NXPH1: variants seen among roughly 807,000 people sequenced by gnomAD.
NXPH1 encodes neurexophilin-1.
A neutral mutation model predicts 23.7 loss-of-function variants in NXPH1; 5 were observed. The observed-to-expected ratio is 0.21, with a 90% CI of 0.11 to 0.44. NXPH1 has a LOEUF of 0.44. Among genes scored for constraint, NXPH1 ranks in the 20% least tolerant of loss-of-function variants. The pLI is 0.99. For missense variants in NXPH1, 324 were observed against 321.6 expected (o/e 1.01, Z -0.06); for synonymous variants, 144 against 122.2 (o/e 1.18, Z -1.18).
intron 2 of NXPH1, among the ~76,000 whole-genome samples, chr7:8,486,744 G>A (rs1252868468): frequency 2.0e-5 from 3 of 152,050 alleles, no homozygotes; most frequent in African/African-American, 7.2e-5. Context: ...CATACATAAT[G>A]TTCTTTCTGA....
At chr7:8,553,006 A>C (rs972122978) in intron 2 of NXPH1, among the ~76,000 whole-genome samples, 3 of 151,580 alleles carry the variant, frequency 2.0e-5, no homozygotes, top group African/African-American at 7.3e-5. Context: ...ACAACCACAA[A>C]ATCTAAGAAG....
intron 2 of NXPH1, among the ~76,000 whole-genome samples, chr7:8,615,189 T>A (rs1372287674): frequency 6.6e-6 from 1 of 152,056 alleles, no homozygotes; most frequent in African/African-American, 2.4e-5. Context: ...GCTATTTGTT[T>A]GACACAATGG....
intron 2 of NXPH1, among the ~76,000 whole-genome samples, chr7:8,604,018 AAGAT>A (rs761771702): frequency 3.0e-4 from 46 of 152,154 alleles, no homozygotes; most frequent in Non-Finnish European, 4.9e-4. Flanking sequence ...AAATGCAATG[AAGAT>A]AGTGTGTTAG....
At chr7:8,668,055 A>G (rs1487312231) in intron 2 of NXPH1, among the ~76,000 whole-genome samples, 1 of 74,906 alleles carries the variant, frequency 1.3e-5, no homozygotes, top group African/African-American at 4.1e-5. Context: ...ATTTAGAAAA[A>G]AATTATTTTA....
intron 2 of NXPH1, among the ~76,000 whole-genome samples, chr7:8,516,832 C>T (rs1015414465): frequency 6.6e-6 from 1 of 152,064 alleles, no homozygotes; most frequent in Non-Finnish European, 1.5e-5. Context: ...TCATGAACGA[C>T]TATAGAGAGA....
chr7:8,667,166 G>T (rs932405423), intron 2 of NXPH1, among the ~76,000 whole-genome samples: 25 of 151,114 alleles, frequency 1.7e-4, no homozygotes, highest in African/African-American at 5.9e-4. Context: ...TATTGCAGCT[G>T]TTTTTTTAAA....
intron 2 of NXPH1, among the ~76,000 whole-genome samples, chr7:8,708,137 C>T (rs1191246985): frequency 6.6e-6 from 1 of 152,024 alleles, no homozygotes; most frequent in Non-Finnish European, 1.5e-5. Context: ...GACAAAGAGC[C>T]AAATCATGGT....
At chr7:8,572,247 A>T (rs914635392) in intron 2 of NXPH1, among the ~76,000 whole-genome samples, 1 of 151,996 alleles carries the variant, frequency 6.6e-6, no homozygotes, top group Non-Finnish European at 1.5e-5. Flanking sequence ...AATAATTGCA[A>T]TATATATATT....
rs145194615 is a variant in NXPH1, at chr7:8,566,109, A to T, written c.54+130342A>T. Among the ~76,000 whole-genome samples the T allele has an allele frequency of 1.9e-3, 289 of 151,938 alleles. 1 individual carries two copies. The highest frequency in any genetic ancestry group is 6.6e-3 in the African/African-American group (275 of 41,506). The stretch of plus-strand genomic sequence containing the variant: ...TGCTTCCTTCTTATCCACTTTGCTT[A>T]CCAAGTAAGCACAGCATTGTGTTTT... On this transcript the variant is annotated intron_variant, in intron 2 of 2. Coordinates refer to ENST00000405863, the MANE Select transcript of NXPH1 (RefSeq NM_152745.3).
At chr7:8,585,927 C>G (rs181513579) in intron 2 of NXPH1, among the ~76,000 whole-genome samples, 4 of 152,240 alleles carry the variant, frequency 2.6e-5, no homozygotes, top group African/African-American at 9.6e-5. Flanking sequence ...GGCTAGAACC[C>G]TAGAACTGTT....
intron 2 of NXPH1, among the ~76,000 whole-genome samples, chr7:8,663,096 G>T (rs1322682981): frequency 6.6e-6 from 1 of 152,046 alleles, no homozygotes; most frequent in Non-Finnish European, 1.5e-5. Context: ...AAGTCAGAGG[G>T]TATCAGGATG....
intron 2 of NXPH1, among the ~76,000 whole-genome samples, chr7:8,491,484 G>A (rs1282079022): frequency 6.6e-6 from 1 of 152,004 alleles, no homozygotes; most frequent in East Asian, 1.9e-4. Context: ...AAATGTTAGT[G>A]ACATATTGAT....
chr7:8,526,387 G>C (rs1584212285), intron 2 of NXPH1, among the ~76,000 whole-genome samples: 1 of 152,156 alleles, frequency 6.6e-6, no homozygotes, highest in African/African-American at 2.4e-5. Context: ...TGTCTTAGAT[G>C]AGACTTTGGA....
intron 2 of NXPH1, among the ~76,000 whole-genome samples, chr7:8,494,174 TTGATTTTTCATAGTAGAG>T (rs1817298501): frequency 6.8e-6 from 1 of 147,746 alleles, no homozygotes; most frequent in South Asian, 2.1e-4. Flanking sequence ...ATTAGATTTC[TTGATTTTTCATAGTAGAG>T]TGATTTTTCA....
intron 2 of NXPH1, among the ~76,000 whole-genome samples, chr7:8,718,751 A>G (rs13228947): frequency 0.45 from 67,873 of 152,042 alleles, 16,156 homozygotes; most frequent in African/African-American, 0.62. Flanking sequence ...AAAACCACTT[A>G]TATTTGAAAC....
chr7:8,535,277 C>T (rs1584217693), intron 2 of NXPH1, among the ~76,000 whole-genome samples: 3 of 151,968 alleles, frequency 2.0e-5, no homozygotes, highest in Admixed American at 2.0e-4. Flanking sequence ...AAAAAGGAAA[C>T]AATCAGTGGA....
intron 2 of NXPH1, among the ~76,000 whole-genome samples, chr7:8,474,502 C>G (rs1816934079): frequency 6.6e-6 from 1 of 152,124 alleles, no homozygotes; most frequent in African/African-American, 2.4e-5. Context: ...GCCTTTGTCT[C>G]TACTCCTTAC....
chr7:8,677,347 G>T (rs1820966747), intron 2 of NXPH1, among the ~76,000 whole-genome samples: 1 of 152,188 alleles, frequency 6.6e-6, no homozygotes. Context: ...TAAGTAGAAG[G>T]TTGTCAGAAT....
intron 2 of NXPH1, among the ~76,000 whole-genome samples, chr7:8,691,517 A>G (rs1226015146): frequency 1.3e-5 from 2 of 152,222 alleles, no homozygotes; most frequent in African/African-American, 4.8e-5. Context: ...TGGTATTGGT[A>G]AACATGATTT....
Sources: gnomAD v4.1 joint callset for allele counts (sites outside exome capture counted in the v4.1 genomes callset) on GRCh38, gnomAD v4.1.1 for gene constraint, MANE v1.5 for transcripts, NCBI Gene and HGNC (gene_info 2026-07-23, HGNC 2026-07-21) for gene names.